The following GRIN2A variants were observed in gnomAD, a reference collection of about 807,000 sequenced individuals.
GRIN2A encodes glutamate ionotropic receptor NMDA type subunit 2A, also known as glutamate receptor ionotropic, NMDA 2A.
In GRIN2A, 22 loss-of-function variants were observed where a neutral mutation model predicts 113.4. The ratio of observed to expected loss-of-function variants is 0.19; its 90% CI spans 0.14 to 0.28. The LOEUF (loss-of-function observed/expected upper bound fraction) is 0.28, where lower values mean the gene tolerates loss of function less well. Ranked by LOEUF, GRIN2A falls within the 10% of genes least tolerant of loss-of-function variation. GRIN2A has a pLI of 1.00. For synonymous variants in GRIN2A, 827 were observed against 738.4 expected (o/e 1.12, Z -1.94); for missense variants, 1,502 against 1,887.0 (o/e 0.80, Z 3.78).
chr16:9,962,977 T>C (rs2045472773), intron 2 of GRIN2A, among the ~76,000 whole-genome samples: 1 of 151,998 alleles, frequency 6.6e-6, no homozygotes, highest in Non-Finnish European at 1.5e-5. Flanking sequence ...TGTAGGGGCA[T>C]GGATGAAGCT....
chr16:9,867,564 G>T (rs2043181406), intron 4 of GRIN2A, among the ~76,000 whole-genome samples: 1 of 152,126 alleles, frequency 6.6e-6, no homozygotes, highest in East Asian at 1.9e-4. Flanking sequence ...CACTGTCCTT[G>T]CCTCTCAAAC....
Position 9,885,009 on chromosome 16 carries a change from T to C in GRIN2A, c.1122+5977A>G, listed in dbSNP as rs149512081. 7.7e-3 allele frequency among the ~76,000 whole-genome samples: 1,171 copies of C among 152,076 alleles called. 16 individuals are homozygous for C. Among genetic ancestry groups the C allele is most frequent in the African/African-American group, 0.026 (1,089 of 41,462 alleles). On this transcript the variant is annotated intron_variant, in intron 4 of 12. Transcript: ENST00000330684. ...ACCTCGGCCTCCCAAAGTGCTGGGA[T>C]TACAGGTGTGAGCCACCGTGCCCGG...
At chr16:9,867,074 C>T (rs2043172755) in intron 4 of GRIN2A, among the ~76,000 whole-genome samples, 1 of 152,112 alleles carries the variant, frequency 6.6e-6, no homozygotes, top group Non-Finnish European at 1.5e-5. Flanking sequence ...TTATCCATAA[C>T]ATTAACAGAT....
chr16:10,003,290 A>G (rs2046352768), intron 2 of GRIN2A, among the ~76,000 whole-genome samples: 1 of 152,214 alleles, frequency 6.6e-6, no homozygotes, highest in Non-Finnish European at 1.5e-5. Flanking sequence ...TGGTAGAAGA[A>G]AGAGAAAAAC....
chr16:10,014,580 A>C (rs2046567699), intron 2 of GRIN2A, among the ~76,000 whole-genome samples: 1 of 152,222 alleles, frequency 6.6e-6, no homozygotes, highest in African/African-American at 2.4e-5. Flanking sequence ...AGAGGCATAA[A>C]TGGACCACTC....
At chr16:9,931,207 A>T (rs1009869935) in intron 3 of GRIN2A, among the ~76,000 whole-genome samples, 4 of 152,210 alleles carry the variant, frequency 2.6e-5, no homozygotes, top group African/African-American at 7.2e-5. Context: ...CAGAACATAC[A>T]GTTGTAATTC....
intron 5 of GRIN2A, among the ~76,000 whole-genome samples, chr16:9,842,071 C>T (rs901946216): frequency 2.0e-5 from 3 of 152,020 alleles, no homozygotes; most frequent in African/African-American, 7.2e-5. Flanking sequence ...GCCAGCATGG[C>T]GAAACCCTGT....
At chr16:10,089,739 C>T (rs368046471) in intron 2 of GRIN2A, among the ~76,000 whole-genome samples, 18 of 152,124 alleles carry the variant, frequency 1.2e-4, no homozygotes, top group East Asian at 1.9e-4. Context: ...GAGGTCTAAA[C>T]GGGAAACTAT....
At chr16:9,872,007 C>G (rs911405690) in intron 4 of GRIN2A, among the ~76,000 whole-genome samples, 17 of 152,118 alleles carry the variant, frequency 1.1e-4, no homozygotes, top group African/African-American at 4.1e-4. Flanking sequence ...TTAGACTTCT[C>G]ATTTATAAAA....
chr16:10,181,155 G>A (rs2050262766), intron 1 of GRIN2A, among the ~76,000 whole-genome samples: 1 of 2,732 alleles, frequency 3.7e-4, no homozygotes, highest in South Asian at 0.013. Flanking sequence ...CCAAGGGGCC[G>A]TGGAGAGTCC....
At chr16:9,807,791 ACTGGCTCTGCATACTTT>A (rs2042011664) in intron 10 of GRIN2A, among the ~76,000 whole-genome samples, 1 of 152,180 alleles carries the variant, frequency 6.6e-6, no homozygotes, top group Admixed American at 6.5e-5. Flanking sequence ...GGGTCAGAGA[ACTGGCTCTGCATACTTT>A]GTGGAAAGTT....
chr16:9,812,987 A>T (rs75786938), intron 10 of GRIN2A, among the ~76,000 whole-genome samples: 1,721 of 152,350 alleles, frequency 0.011, 21 homozygotes, highest in African/African-American at 0.039. Flanking sequence ...TGTCAACAAG[A>T]TCAAAGCGTG....
chr16:9,918,336 T>G (rs1010653871), intron 3 of GRIN2A, among the ~76,000 whole-genome samples: 2 of 152,226 alleles, frequency 1.3e-5, no homozygotes, highest in Non-Finnish European at 2.9e-5. Context: ...GTATGTATCA[T>G]GTTTCTTCTT....
chr16:9,964,671 C>A (rs2045515961), intron 2 of GRIN2A, among the ~76,000 whole-genome samples: 1 of 152,156 alleles, frequency 6.6e-6, no homozygotes, highest in African/African-American at 2.4e-5. Context: ...AAGCCAGCAC[C>A]ACTGCATCTC....
rs1262462570 is a variant in GRIN2A at position 10,180,432 on chromosome 16, G to A, written c.-18-3C>T. The A allele has an allele frequency of 6.2e-7, 1 of 1,600,404 alleles. No individual in the cohort carries two copies. The highest frequency in any genetic ancestry group is 8.5e-7 in the Non-Finnish European group (1 of 1,178,316). ...CCCATAGTCGCCACTGACGGTCCCTGCAAGGTGAAGAGTGAGAGGCAGGGC... is the reference window on the plus strand; with the variant it reads ...CCCATAGTCGCCACTGACGGTCCCTACAAGGTGAAGAGTGAGAGGCAGGGC... On this transcript the variant is annotated splice_polypyrimidine_tract_variant and splice_region_variant and intron_variant, in intron 1 of 12. Transcript: ENST00000330684. The surrounding 1 kb of genome is among the most constrained non-coding windows in gnomAD (Gnocchi z 7.0).
chr16:9,884,750 C>CTTT (rs34469635), intron 4 of GRIN2A, among the ~76,000 whole-genome samples: 1 of 125,320 alleles, frequency 8.0e-6, no homozygotes, highest in Non-Finnish European at 1.7e-5. Context: ...TAGAGAATTT[C>CTTT]TTTTTTTTTT....
chr16:10,167,316 T>G (rs976636035), intron 2 of GRIN2A, among the ~76,000 whole-genome samples: 1 of 152,202 alleles, frequency 6.6e-6, no homozygotes, highest in Non-Finnish European at 1.5e-5. Flanking sequence ...CAAATTATCT[T>G]AAATTCTTTG....
intron 2 of GRIN2A, among the ~76,000 whole-genome samples, chr16:10,035,472 C>A (rs1873788330): frequency 1.3e-5 from 2 of 152,216 alleles, no homozygotes. Context: ...TCCCTGGCTC[C>A]TTTCAAAGCC....
intron 5 of GRIN2A, among the ~76,000 whole-genome samples, chr16:9,844,053 A>G (rs1199008136): frequency 6.6e-6 from 1 of 152,034 alleles, no homozygotes; most frequent in Non-Finnish European, 1.5e-5. Context: ...GTTCATTTGT[A>G]TCACCTTCAT....
Sources: gnomAD v4.1 joint callset for allele counts (sites outside exome capture counted in the v4.1 genomes callset) on GRCh38, gnomAD v4.1.1 for gene constraint, Gnocchi (gnomAD v3.1) non-coding constraint, MANE v1.5 for transcripts, NCBI Gene and HGNC (gene_info 2026-07-23, HGNC 2026-07-21) for gene names.